The following CNTNAP5 variants were observed in gnomAD, a reference collection of about 807,000 sequenced individuals.
The protein encoded by CNTNAP5 is contactin-associated protein-like 5.
A neutral mutation model predicts 150.2 loss-of-function variants in CNTNAP5; 72 were observed. The ratio of observed to expected loss-of-function variants is 0.48; its 90% CI spans 0.40 to 0.58. CNTNAP5 has a LOEUF of 0.58. Among genes scored for constraint, CNTNAP5 ranks in the 20% least tolerant of loss-of-function variants. The probability of loss-of-function intolerance (pLI) is 0.00; values close to 1 mark genes in which losing one functional copy is unlikely to be tolerated. For missense variants in CNTNAP5, 1,636 were observed against 1,626.2 expected (o/e 1.01, Z -0.10); for synonymous variants, 672 against 619.8 (o/e 1.08, Z -1.25).
rs576431149 is a variant in CNTNAP5, at chr2:124,064,420, C to T, written c.82+38688C>T. ...ATGTCTAATCAATCCCCAATCCTGT[C>T]AATTCCATGACCTTTATACATCTTA... is the stretch of plus-strand genomic sequence containing the variant. On this transcript the variant is annotated intron_variant, in intron 1 of 23. Transcript: ENST00000682447. Among the ~76,000 whole-genome samples the T allele has an allele frequency of 5.3e-5, 8 of 152,154 alleles. No individual in the cohort carries two copies. In the South Asian group the frequency reaches 8.3e-4, roughly 16 times the overall value.
At chr2:124,542,412 A>G (rs946752716) in intron 10 of CNTNAP5, among the ~76,000 whole-genome samples, 1 of 151,760 alleles carries the variant, frequency 6.6e-6, no homozygotes, top group African/African-American at 2.4e-5. Flanking sequence ...ACTGAGGGCC[A>G]TGAAGTTATG....
At chr2:124,297,306 G>T (rs866730046) in intron 3 of CNTNAP5, among the ~76,000 whole-genome samples, 7 of 152,220 alleles carry the variant, frequency 4.6e-5, no homozygotes, top group African/African-American at 1.7e-4. Flanking sequence ...CGGAAGTTTT[G>T]ACTTCCGTCG....
At chr2:124,824,526 G>A (rs577846329) in intron 19 of CNTNAP5, among the ~76,000 whole-genome samples, 5 of 152,302 alleles carry the variant, frequency 3.3e-5, no homozygotes, top group African/African-American at 1.2e-4. Flanking sequence ...AAAGCTAAGA[G>A]ATCAGGGGAG....
At chr2:124,646,738 G>A (rs2105026438) in intron 12 of CNTNAP5, among the ~76,000 whole-genome samples, 1 of 152,244 alleles carries the variant, frequency 6.6e-6, no homozygotes, top group Middle Eastern at 3.4e-3. Flanking sequence ...TATTACCAGT[G>A]CTACCAGGGT....
chr2:124,117,149 G>GT (rs1256576314), intron 1 of CNTNAP5, among the ~76,000 whole-genome samples: 1 of 152,060 alleles, frequency 6.6e-6, no homozygotes, highest in Non-Finnish European at 1.5e-5. Context: ...TGATTTTCTG[G>GT]TTTTGCTTTC....
At chr2:124,163,932 G>A (rs934997956) in intron 1 of CNTNAP5, among the ~76,000 whole-genome samples, 1 of 151,108 alleles carries the variant, frequency 6.6e-6, no homozygotes, top group Non-Finnish European at 1.5e-5. Flanking sequence ...TTTGTTCCAA[G>A]GTCTATGACT....
chr2:124,215,256 C>T (rs984831610), intron 1 of CNTNAP5, among the ~76,000 whole-genome samples: 1 of 152,086 alleles, frequency 6.6e-6, no homozygotes, highest in Non-Finnish European at 1.5e-5. Flanking sequence ...GACAATTTAC[C>T]GTGGTAATCA....
At chr2:124,837,111 G>T (rs1019527995) in intron 19 of CNTNAP5, among the ~76,000 whole-genome samples, 28 of 151,698 alleles carry the variant, frequency 1.8e-4, no homozygotes, top group African/African-American at 6.5e-4. Flanking sequence ...AATGTATAAA[G>T]GCAGGGAAAG....
At chr2:124,421,313 G>A (rs1692098252) in intron 4 of CNTNAP5, among the ~76,000 whole-genome samples, 1 of 152,156 alleles carries the variant, frequency 6.6e-6, no homozygotes, top group South Asian at 2.1e-4. Context: ...CTCTAGATTA[G>A]TGGTGCCCTC....
At chr2:124,161,366 G>T (rs1684674563) in intron 1 of CNTNAP5, among the ~76,000 whole-genome samples, 1 of 152,002 alleles carries the variant, frequency 6.6e-6, no homozygotes, top group South Asian at 2.1e-4. Context: ...GAGATGATGG[G>T]GTTTGGATTT....
At chr2:124,343,986 T>C (rs1345746200) in intron 3 of CNTNAP5, among the ~76,000 whole-genome samples, 1 of 152,076 alleles carries the variant, frequency 6.6e-6, no homozygotes, top group Non-Finnish European at 1.5e-5. Context: ...GAAACTAATC[T>C]ATCCCCATGA....
intron 17 of CNTNAP5, among the ~76,000 whole-genome samples, chr2:124,782,646 T>C (rs967888652): frequency 6.6e-6 from 1 of 152,110 alleles, no homozygotes; most frequent in African/African-American, 2.4e-5. Context: ...TTTAGCATAT[T>C]GACCAAAGAA....
rs1039293383 is a variant in CNTNAP5, at chr2:124,915,580, T to C, written c.*1292T>C. 6.6e-6 allele frequency among the ~76,000 whole-genome samples: 1 copy of C among 152,078 alleles called. No homozygotes were observed. The highest frequency in any genetic ancestry group is 3.2e-3 in the Middle Eastern group (1 of 316). The stretch of plus-strand genomic sequence containing the variant: ...TGATTTCAGAGGAGCCCTTAGGTTC[T>C]GTAGCATACCACATTTTCAAATCTG... On this transcript the variant is annotated 3_prime_UTR_variant, in exon 24 of 24. Coordinates refer to ENST00000682447, the MANE Select transcript of CNTNAP5 (RefSeq NM_001367498.1).
intron 10 of CNTNAP5, among the ~76,000 whole-genome samples, chr2:124,532,522 G>A (rs1573441010): frequency 6.6e-6 from 1 of 152,140 alleles, no homozygotes; most frequent in Non-Finnish European, 1.5e-5. Flanking sequence ...GTATCAACAG[G>A]AGACAGGCTC....
intron 12 of CNTNAP5, among the ~76,000 whole-genome samples, chr2:124,640,056 C>G (rs1253856164): frequency 1.3e-5 from 2 of 152,036 alleles, no homozygotes; most frequent in East Asian, 3.9e-4. Context: ...AACTTGCACC[C>G]CTCATCCGAC....
At chr2:124,047,008 C>G (rs140192358) in intron 1 of CNTNAP5, among the ~76,000 whole-genome samples, 212 of 152,196 alleles carry the variant, frequency 1.4e-3, no homozygotes, top group African/African-American at 4.9e-3. Flanking sequence ...TTTGAGAGAG[C>G]GGCTTGTTCA....
chr2:124,562,441 G>T (rs1444384691), intron 10 of CNTNAP5, among the ~76,000 whole-genome samples: 1 of 151,888 alleles, frequency 6.6e-6, no homozygotes, highest in African/African-American at 2.4e-5. Context: ...TTCTAATGTT[G>T]GACACTTATG....
At chr2:124,524,547 G>C in intron 9 of CNTNAP5, 95 bp downstream of exon 9, 1 of 1,221,982 alleles carries the variant, frequency 8.2e-7, no homozygotes, top group Non-Finnish European at 1.1e-6. Flanking sequence ...TGGTCAATTA[G>C]ACAATTCTCC....
chr2:124,418,481 C>A (rs1346270760), intron 4 of CNTNAP5, among the ~76,000 whole-genome samples: 1 of 152,140 alleles, frequency 6.6e-6, no homozygotes, highest in African/African-American at 2.4e-5. Context: ...CTCACCCCAT[C>A]CCATACATAC....
Sources: gnomAD v4.1 joint callset for allele counts (sites outside exome capture counted in the v4.1 genomes callset) on GRCh38, gnomAD v4.1.1 for gene constraint, MANE v1.5 for transcripts, NCBI Gene and HGNC (gene_info 2026-07-23, HGNC 2026-07-21) for gene names.